The following CADPS variants were observed in gnomAD, a reference collection of about 807,000 sequenced individuals.
The protein encoded by CADPS is calcium dependent secretion activator, also known as calcium-dependent secretion activator 1.
A neutral mutation model predicts 167.3 loss-of-function variants in CADPS; 57 were observed. The ratio of observed to expected loss-of-function variants is 0.34; its 90% CI spans 0.28 to 0.42. CADPS has a LOEUF of 0.42. CADPS is among the 20% of genes least tolerant of loss of function. The pLI, the probability that CADPS is intolerant of heterozygous loss-of-function variation, is 1.00. For missense variants in CADPS, 1,414 were observed against 1,738.1 expected (o/e 0.81, Z 3.32); for synonymous variants, 676 against 635.3 (o/e 1.06, Z -0.96).
chr3:62,624,285 G>C (rs1456038970), intron 6 of CADPS, among the ~76,000 whole-genome samples: 1 of 152,088 alleles, frequency 6.6e-6, no homozygotes, highest in Admixed American at 6.6e-5. Flanking sequence ...AGAATACAAT[G>C]TTTGGGCCCT....
rs577996499 is a variant in CADPS at position 62,537,333 on chromosome 3, G to A, written c.1967-752C>T. ...TCAATGTATTCACACTTTTCCTTAC[G>A]GGGTGAAGGCTGTAGGCAAAACCTC... is the stretch of plus-strand genomic sequence containing the variant. On this transcript the variant is annotated intron_variant, in intron 11 of 29. Transcript: ENST00000383710. Among the ~76,000 whole-genome samples the A allele has an allele frequency of 3.7e-4, 56 of 152,228 alleles. 1 individual carries two copies. The highest frequency in any genetic ancestry group is 2.0e-3 in the Admixed American group (31 of 15,284).
At chr3:62,567,998 T>A (rs1389797682) in intron 9 of CADPS, among the ~76,000 whole-genome samples, 1 of 152,188 alleles carries the variant, frequency 6.6e-6, no homozygotes, top group African/African-American at 2.4e-5. Flanking sequence ...TGATTTTGCA[T>A]GAAAGACAAT....
At chr3:62,405,622 C>G (rs1342212340) in intron 28 of CADPS, among the ~76,000 whole-genome samples, 2 of 152,130 alleles carry the variant, frequency 1.3e-5, no homozygotes, top group Admixed American at 6.5e-5. Flanking sequence ...GTAGAAATTG[C>G]ATACAGCAAT....
chr3:62,503,145 A>G (rs981380294), intron 17 of CADPS, among the ~76,000 whole-genome samples: 7 of 151,932 alleles, frequency 4.6e-5, no homozygotes, highest in African/African-American at 1.5e-4. Context: ...TGGCAGCAGC[A>G]GCACTGACCA....
At chr3:62,516,217 T>C (rs930117872) in intron 15 of CADPS, 35 bp from the exon 16 acceptor site, 25 of 1,611,230 alleles carry the variant, frequency 1.6e-5, no homozygotes, top group Non-Finnish European at 1.8e-5. Flanking sequence ...ATTAAGAAGG[T>C]TCAAGCAAAT....
rs1491213002 is a variant in CADPS at position 62,438,714 on chromosome 3, ATT to A, written c.3670-505_3670-504del. The A allele has an allele frequency of 5.5e-3, 588 of 107,594 alleles. 3 individuals carry two copies. Among genetic ancestry groups the A allele is most frequent in the African/African-American group, 0.018 (545 of 29,602 alleles). 6.7% of individuals were successfully genotyped at this position (107,594 alleles called of 1,614,324 possible). On this transcript the variant is annotated intron_variant, in intron 27 of 29. Coordinates refer to ENST00000383710, the MANE Select transcript of CADPS (RefSeq NM_003716.4). The surrounding 1 kb of genome is among the most constrained non-coding windows in gnomAD (Gnocchi z 4.7). Reference sequence around the variant, plus strand: ...CTATACCTCTTCCTACCCAAGTCTCATTGTGTGTGTGTGTGTGTGTGTGTGTG... The same window carrying A: ...CTATACCTCTTCCTACCCAAGTCTCAGTGTGTGTGTGTGTGTGTGTGTGTG...
Position 62,478,030 on chromosome 3 carries a change from C to A in CADPS, c.3329+231G>T. 2.0e-6 allele frequency: 1 copy of A among 500,092 alleles called. No homozygotes were observed. The highest frequency in any genetic ancestry group is 3.6e-6 in the Non-Finnish European group (1 of 278,936). The allele number at this position is 500,092 out of a possible 1,614,324, so 31.0% of individuals were successfully genotyped here. On this transcript the variant is annotated intron_variant, in intron 23 of 29. Transcript: ENST00000383710. This position sits in a 1 kb window ranked among gnomAD's most constrained non-coding sequence, Gnocchi z 5.7. The stretch of plus-strand genomic sequence containing the variant: ...GACAGGGATCTTTTCCTCTTAAAGC[C>A]AACAACCATGAAAAAATTGGCAGCC...
chr3:62,604,197 T>C (rs1213989208), intron 6 of CADPS, among the ~76,000 whole-genome samples: 1 of 152,066 alleles, frequency 6.6e-6, no homozygotes, highest in African/African-American at 2.4e-5. Context: ...ATGCACTGAG[T>C]AAAAGAAACC....
intron 3 of CADPS, among the ~76,000 whole-genome samples, chr3:62,742,014 T>C (rs2080368220): frequency 2.0e-5 from 3 of 152,028 alleles, no homozygotes; most frequent in Non-Finnish European, 4.4e-5. Flanking sequence ...AGGAAAGAAT[T>C]CCCATTCACA....
At chr3:62,822,256 G>A (rs1017722043) in intron 1 of CADPS, among the ~76,000 whole-genome samples, 2 of 152,092 alleles carry the variant, frequency 1.3e-5, no homozygotes, top group East Asian at 1.9e-4. Flanking sequence ...GTGTCACTGC[G>A]GGCATTCTTA....
In CADPS at chr3:62,478,501, A is replaced by C. The variant is rs2061587071; in HGVS notation, c.3174-85T>G. 2 of 1,297,820 alleles carry C rather than the reference A, an allele frequency of 1.5e-6. No individual in the cohort carries two copies. The highest frequency in any genetic ancestry group is 3.0e-5 in the African/African-American group (2 of 67,540). The allele number at this position is 1,297,820 out of a possible 1,614,324, so 80.4% of individuals were successfully genotyped here. A position where few individuals can be genotyped will look rare whatever the true frequency, so the allele number is the denominator to read the frequency against. On this transcript the variant is annotated intron_variant, in intron 22 of 29. Transcript: ENST00000383710. The surrounding 1 kb of genome is among the most constrained non-coding windows in gnomAD (Gnocchi z 5.7). The stretch of plus-strand genomic sequence containing the variant: ...TAACACAGAGACAACTGGGGGCTAG[A>C]AGGCAAACAGCAGCTTCAACATACA...
chr3:62,770,961 T>C (rs149551478), intron 1 of CADPS, among the ~76,000 whole-genome samples: 3,457 of 152,320 alleles, frequency 0.023, 64 homozygotes, highest in South Asian at 0.061. Context: ...TAGCAATAGC[T>C]GGTCCCTTCT....
intron 29 of CADPS, among the ~76,000 whole-genome samples, chr3:62,402,165 A>T (rs1706505517): frequency 7.6e-6 from 1 of 130,754 alleles, no homozygotes; most frequent in Admixed American, 9.7e-5. Context: ...ACGGAACAGC[A>T]GTTGGTTGTA....
chr3:62,738,881 A>G (rs908719863), intron 3 of CADPS, among the ~76,000 whole-genome samples: 2 of 152,246 alleles, frequency 1.3e-5, no homozygotes, highest in African/African-American at 4.8e-5. Flanking sequence ...ACTGTTTACT[A>G]AAATAAATTG....
chr3:62,746,390 G>C (rs1285870000), intron 3 of CADPS, among the ~76,000 whole-genome samples: 1 of 152,132 alleles, frequency 6.6e-6, no homozygotes, highest in Admixed American at 6.5e-5. Flanking sequence ...GGAGTGCAGT[G>C]GTGGGTGTTT....
Position 62,510,208 on chromosome 3 carries a change from A to G in CADPS, c.2599+2543T>C, listed in dbSNP as rs947558813. ...TATTTCTGCATCTATCTATCTATCT[A>G]TCTATCTATCTATCTATCTGCCTGC... On this transcript the variant is annotated intron_variant, in intron 17 of 29. Coordinates refer to ENST00000383710, the MANE Select transcript of CADPS (RefSeq NM_003716.4). 2.4e-3 allele frequency among the ~76,000 whole-genome samples: 361 copies of G among 151,386 alleles called. 2 individuals are homozygous for G. The highest frequency in any genetic ancestry group is 8.3e-3 in the African/African-American group (341 of 41,226).
intron 16 of CADPS, 80 bp from the exon 17 acceptor site, chr3:62,512,848 C>A: frequency 8.4e-7 from 1 of 1,185,708 alleles, no homozygotes; most frequent in Non-Finnish European, 1.2e-6. Flanking sequence ...GCAAGTGGAC[C>A]AAAATGCCCC....
rs1194233238 is a variant in CADPS at position 62,618,918 on chromosome 3, C to T, written c.1326-26170G>A. Among the ~76,000 whole-genome samples the T allele has an allele frequency of 2.6e-5, 4 of 152,202 alleles. No homozygotes were observed. In the East Asian group the frequency reaches 7.7e-4, roughly 29 times the overall value. ...AAGATCCCTGCTCTCACAGAGCTAA[C>T]AGTCTGGATTGTTGTATAATAATCT... On this transcript the variant is annotated intron_variant, in intron 6 of 29. Transcript: ENST00000383710.
intron 3 of CADPS, among the ~76,000 whole-genome samples, chr3:62,749,394 C>T (rs1171734527): frequency 1.3e-5 from 2 of 152,156 alleles, no homozygotes; most frequent in African/African-American, 2.4e-5. Context: ...CACAAAGCAG[C>T]AGCAGAAATC....
Sources: allele counts gnomAD v4.1 joint callset (sites outside exome capture counted in the v4.1 genomes callset), GRCh38; gene constraint gnomAD v4.1.1; non-coding constraint Gnocchi (gnomAD v3.1); transcripts MANE v1.5; gene names NCBI Gene and HGNC (gene_info 2026-07-23, HGNC 2026-07-21).